The following MAD1L1 variants were observed in gnomAD, a reference collection of about 807,000 sequenced individuals.
MAD1L1 encodes mitotic spindle assembly checkpoint protein MAD1.
MAD1L1 carries 95 observed loss-of-function variants against 96.9 expected under a neutral mutation model. The ratio of observed to expected loss-of-function variants is 0.98; its 90% confidence interval spans 0.83 to 1.16. MAD1L1 has a LOEUF of 1.16. MAD1L1 is among the 50% of genes most tolerant of loss of function. The pLI is 0.00. For synonymous variants in MAD1L1, 473 were observed against 396.6 expected, an observed-to-expected ratio of 1.19 and a Z score of -2.29; for missense variants, 1,007 against 954.4, an observed-to-expected ratio of 1.06 and a Z score of -0.73.
chr7:1,919,998 TCCAGTGACACGGAGGTCC>T (rs56023182), intron 17 of MAD1L1, among the ~76,000 whole-genome samples: 124,795 of 151,432 alleles, frequency 0.82, 51,579 homozygotes, highest in East Asian at 0.89. Context: ...TGCCAACAGC[TCCAGTGACACGGAGGTCC>T]CCAGTGACAC....
intron 18 of MAD1L1, among the ~76,000 whole-genome samples, chr7:1,816,666 C>T (rs1781824083): frequency 6.6e-6 from 1 of 152,046 alleles, no homozygotes; most frequent in Admixed American, 6.5e-5. Flanking sequence ...CAGGGGGGCG[C>T]TGGGGGCCCA....
chr7:2,115,085 C>T (rs949952354), intron 11 of MAD1L1, among the ~76,000 whole-genome samples: 1 of 152,206 alleles, frequency 6.6e-6, no homozygotes, highest in African/African-American at 2.4e-5. Flanking sequence ...CCCCGCCCCG[C>T]GACCCAAGGC....
At chr7:2,073,156 G>A (rs192915087) in intron 11 of MAD1L1, among the ~76,000 whole-genome samples, 5 of 152,158 alleles carry the variant, frequency 3.3e-5, no homozygotes, top group African/African-American at 7.2e-5. Flanking sequence ...CCCGGCCCTC[G>A]GCCTGTAACA....
intron 12 of MAD1L1, among the ~76,000 whole-genome samples, chr7:2,042,891 CCA>C (rs1783752233): frequency 1.7e-5 from 2 of 118,314 alleles, no homozygotes; most frequent in African/African-American, 9.9e-5. Context: ...ATGTCCACGT[CCA>C]CGTCCACGTC....
intron 11 of MAD1L1, among the ~76,000 whole-genome samples, chr7:2,087,643 T>C (rs1176777780): frequency 6.6e-6 from 1 of 152,226 alleles, no homozygotes; most frequent in Non-Finnish European, 1.5e-5. Flanking sequence ...ACAGCTCCAC[T>C]GACCCAGGCC....
chr7:1,838,436 T>C (rs1323406753), intron 18 of MAD1L1: 1 of 248,990 alleles, frequency 4.0e-6, no homozygotes, highest in African/African-American at 2.2e-5. Flanking sequence ...TCAAATGTTC[T>C]ATCAACGGAT....
intron 11 of MAD1L1, among the ~76,000 whole-genome samples, chr7:2,128,108 CCT>C (rs1788324715): frequency 6.6e-6 from 1 of 152,204 alleles, no homozygotes; most frequent in African/African-American, 2.4e-5. Context: ...GGCCTCATCC[CCT>C]GTTGAGGAGC....
At chr7:2,041,786 C>G (rs769681656) in intron 12 of MAD1L1, among the ~76,000 whole-genome samples, 1 of 152,142 alleles carries the variant, frequency 6.6e-6, no homozygotes, top group Non-Finnish European at 1.5e-5. Context: ...ACAAGACAGT[C>G]TCACTTCCAC....
chr7:1,828,469 A>T (rs1032292995), intron 18 of MAD1L1, among the ~76,000 whole-genome samples: 3 of 152,174 alleles, frequency 2.0e-5, no homozygotes, highest in Non-Finnish European at 4.4e-5. Flanking sequence ...CGAAGCTCAC[A>T]CTGGGCTGGA....
At chr7:2,202,082 C>T (rs1029072132) in intron 10 of MAD1L1, 3 of 152,616 alleles carry the variant, frequency 2.0e-5, no homozygotes, top group African/African-American at 7.2e-5. Flanking sequence ...GAGGCTCCGC[C>T]CATACATCAC....
At chr7:2,066,113 C>T (rs962940879) in intron 12 of MAD1L1, among the ~76,000 whole-genome samples, 4 of 152,192 alleles carry the variant, frequency 2.6e-5, no homozygotes, top group Admixed American at 2.0e-4. Flanking sequence ...ATAAAGGTCT[C>T]GAAATAAAAC....
In MAD1L1 at chr7:2,205,857, G is replaced by C. The variant is rs184867540; in HGVS notation, c.986+7355C>G. ...TAAAGTATCTGTTAAAAGCAGGCCG[G>C]GTACAGTGGCTCACACCTGTAATCC... On this transcript the variant is annotated intron_variant, in intron 10 of 18. Transcript: ENST00000265854. 4.9e-3 allele frequency among the ~76,000 whole-genome samples: 752 copies of C among 152,308 alleles called. 8 individuals carry two copies. Among genetic ancestry groups the C allele is most frequent in the African/African-American group, 0.017 (710 of 41,566 alleles).
At chr7:2,066,999 C>T (rs1784904210) in intron 12 of MAD1L1, among the ~76,000 whole-genome samples, 1 of 152,242 alleles carries the variant, frequency 6.6e-6, no homozygotes, top group African/African-American at 2.4e-5. Flanking sequence ...GGGGGCCACA[C>T]TTGTAGCCCA....
At chr7:2,202,260 A>G (rs1042714883) in intron 10 of MAD1L1, among the ~76,000 whole-genome samples, 3 of 152,222 alleles carry the variant, frequency 2.0e-5, no homozygotes, top group Non-Finnish European at 4.4e-5. Flanking sequence ...ACACAACCCC[A>G]AGGCAGAAAG....
intron 18 of MAD1L1, chr7:1,854,285 A>ACTGCCC (rs1051833867): frequency 4.7e-6 from 2 of 424,252 alleles, no homozygotes; most frequent in South Asian, 1.7e-5. Flanking sequence ...AGTGGCTGAG[A>ACTGCCC]CTGCCCCAGC....
chr7:1,948,350 T>C (rs998517081), intron 16 of MAD1L1, among the ~76,000 whole-genome samples: 4 of 151,284 alleles, frequency 2.6e-5, no homozygotes, highest in East Asian at 2.0e-4. Context: ...GTGTGCTGTA[T>C]AGCCTCCGCT....
intron 10 of MAD1L1, chr7:2,193,512 T>G (rs1399551782): frequency 6.6e-6 from 1 of 152,234 alleles, no homozygotes; most frequent in East Asian, 1.9e-4. Flanking sequence ...TCATAAGCCC[T>G]CAACAAATAT....
Position 2,119,047 on chromosome 7 carries a change from C to A in MAD1L1, c.1073+30105G>T, listed in dbSNP as rs1417676521. On this transcript the variant is annotated intron_variant, in intron 11 of 18. Transcript: ENST00000265854. The surrounding 1 kb of genome is among the most constrained non-coding windows in gnomAD (Gnocchi z 4.6). ...CCCACGTGACGGTCTGCCTCCCAGA[C>A]CCCTGCGCGGACAAGCAGGAGCGGC... Among the ~76,000 whole-genome samples the A allele has an allele frequency of 6.6e-6, 1 of 152,142 alleles. No individual in the cohort carries two copies. The highest frequency in any genetic ancestry group is 2.4e-5 in the African/African-American group (1 of 41,432).
In MAD1L1 at chr7:2,084,483, A is replaced by G. The variant is rs550232959; in HGVS notation, c.1074-15145T>C. Among the ~76,000 whole-genome samples, 3 of 152,370 alleles carry G rather than the reference A, an allele frequency of 2.0e-5. No homozygotes were observed. The East Asian group carries it at 5.8e-4, about 29-fold the overall frequency. On this transcript the variant is annotated intron_variant, in intron 11 of 18. Transcript: ENST00000265854. The stretch of plus-strand genomic sequence containing the variant: ...GCAGACGTGCCGGGGACGAGGGAGC[A>G]GGTACCTGTGCTCACGGAGGTCCCC...
Sources: gnomAD v4.1 joint callset for allele counts (sites outside exome capture counted in the v4.1 genomes callset) on GRCh38, gnomAD v4.1.1 for gene constraint, Gnocchi (gnomAD v3.1) non-coding constraint, MANE v1.5 for transcripts, NCBI Gene and HGNC (gene_info 2026-07-23, HGNC 2026-07-21) for gene names.